The following AAK1 variants were observed in gnomAD, a reference collection of about 807,000 sequenced individuals.
The protein encoded by AAK1 is AP2 associated kinase 1.
A neutral mutation model predicts 116.0 loss-of-function variants in AAK1; 37 were observed. That is an observed-to-expected ratio of 0.32 (90% CI 0.25 to 0.42). The LOEUF is 0.42. Among genes scored for constraint, AAK1 ranks in the 10% least tolerant of loss-of-function variants. AAK1 has a pLI of 1.00. For missense variants in AAK1, 919 were observed against 1,170.6 expected (o/e 0.79, Z 3.14); for synonymous variants, 458 against 439.9 (o/e 1.04, Z -0.51).
rs1674385242 is a variant in AAK1 at position 69,463,182 on chromosome 2, A to G, written c.*12687T>C. ...TAGATGAATTTCCAATAATTTTTAA[A>G]TCATTGATCTGGCTTGGTAAATAGC... On this transcript the variant is annotated 3_prime_UTR_variant, in exon 22 of 22. Transcript: ENST00000409085. 6.6e-6 allele frequency: 1 copy of G among 152,260 alleles called. No homozygotes were observed. Among genetic ancestry groups the G allele is most frequent in the Non-Finnish European group, 1.5e-5 (1 of 68,042 alleles). The allele number at this position is 152,260 out of a possible 1,614,324, so 9.4% of individuals were successfully genotyped here. A position where few individuals can be genotyped will look rare whatever the true frequency, so the allele number is the denominator to read the frequency against.
chr2:69,561,275 AT>A (rs2105095278), intron 2 of AAK1, among the ~76,000 whole-genome samples: 1 of 152,338 alleles, frequency 6.6e-6, no homozygotes, highest in East Asian at 1.9e-4. Flanking sequence ...TTAAAAGATG[AT>A]TTGCAAATGA....
chr2:69,466,497 T>C lies in AAK1; in HGVS notation c.*9372A>G, dbSNP rs1367900783. 4 of 1,253,170 alleles carry C rather than the reference T, an allele frequency of 3.2e-6. No homozygotes were observed. The highest frequency in any genetic ancestry group is 4.1e-6 in the Non-Finnish European group (4 of 968,926). 77.6% of individuals were successfully genotyped at this position (1,253,170 alleles called of 1,614,324 possible). Reference sequence around the variant, plus strand: ...CGGAAGGCCTTTAACACCCAGTGATTCTTTAAAGTGCTCTACAGTTATTAC... The same window carrying C: ...CGGAAGGCCTTTAACACCCAGTGATCCTTTAAAGTGCTCTACAGTTATTAC... On this transcript the variant is annotated 3_prime_UTR_variant, in exon 22 of 22. Transcript: ENST00000409085.
rs1047981022 is a variant in AAK1 at position 69,575,538 on chromosome 2, C to T, written c.164-18560G>A. On this transcript the variant is annotated intron_variant, in intron 2 of 21. Transcript: ENST00000409085. ...AGGCTGGAGTGCAATGGCGCAATCT[C>T]GGCTCACTGCAACCTCCGCCCACTG... 6.1e-5 allele frequency among the ~76,000 whole-genome samples: 9 copies of T among 147,498 alleles called. 1 individual carries two copies. The highest frequency in any genetic ancestry group is 2.7e-4 in the Admixed American group (4 of 14,610).
chr2:69,497,080 G>A (rs58871512), intron 16 of AAK1, among the ~76,000 whole-genome samples: 4,521 of 152,088 alleles, frequency 0.03, 216 homozygotes, highest in African/African-American at 0.1. Flanking sequence ...AAGCCTAAAC[G>A]TTAAAGACTA....
At chr2:69,599,392 A>AC (rs1673455907) in intron 2 of AAK1, among the ~76,000 whole-genome samples, 1 of 140,862 alleles carries the variant, frequency 7.1e-6, no homozygotes, top group African/African-American at 2.4e-5. Context: ...AAAAAAAAAA[A>AC]AAAAAACTTC....
At chr2:69,620,220 G>A (rs1396630545) in intron 2 of AAK1, among the ~76,000 whole-genome samples, 1 of 152,184 alleles carries the variant, frequency 6.6e-6, no homozygotes, top group Non-Finnish European at 1.5e-5. Context: ...TAAACTGAAT[G>A]ACAAGAGGTT....
intron 3 of AAK1, among the ~76,000 whole-genome samples, chr2:69,551,238 G>A (rs1358374127): frequency 6.6e-6 from 1 of 152,116 alleles, no homozygotes; most frequent in Non-Finnish European, 1.5e-5. Flanking sequence ...ACTGGGGCCG[G>A]TGGGGGTGGT....
chr2:69,609,788 G>A lies in AAK1; in HGVS notation c.163+33090C>T, dbSNP rs574804392. Among the ~76,000 whole-genome samples the A allele has an allele frequency of 5.3e-5, 8 of 152,126 alleles. No individual in the cohort carries two copies. The South Asian group carries it at 8.3e-4, about 16-fold the overall frequency. On this transcript the variant is annotated intron_variant, in intron 2 of 21. Coordinates refer to ENST00000409085, the MANE Select transcript of AAK1 (RefSeq NM_014911.5). ...AATTGGGCCAGGTGCGGTGGCTCAC[G>A]CCTGTAATCCCAGCACTTTAGGAGG... is the stretch of plus-strand genomic sequence containing the variant.
At chr2:69,607,829 G>T (rs915212026) in intron 2 of AAK1, among the ~76,000 whole-genome samples, 1 of 152,216 alleles carries the variant, frequency 6.6e-6, no homozygotes. Context: ...ACAGACATAT[G>T]TGCTACAGCA....
At chr2:69,633,460 G>C (rs1675300051) in intron 2 of AAK1, among the ~76,000 whole-genome samples, 1 of 151,720 alleles carries the variant, frequency 6.6e-6, no homozygotes, top group Non-Finnish European at 1.5e-5. Flanking sequence ...AATTAGCTGG[G>C]CATGGTGGTA....
At chr2:69,523,516 T>G (rs1226205792) in intron 10 of AAK1, among the ~76,000 whole-genome samples, 2 of 152,212 alleles carry the variant, frequency 1.3e-5, no homozygotes, top group Non-Finnish European at 2.9e-5. Flanking sequence ...CATATTCCCA[T>G]CCAGGGTACT....
At chr2:69,640,014 A>AACAC (rs376034914) in intron 2 of AAK1, among the ~76,000 whole-genome samples, 3,657 of 103,642 alleles carry the variant, frequency 0.035, 122 homozygotes, top group African/African-American at 0.075. Flanking sequence ...ACTCCCCTTT[A>AACAC]ACACACACAC....
chr2:69,564,204 A>G (rs905852916), intron 2 of AAK1, among the ~76,000 whole-genome samples: 2 of 152,060 alleles, frequency 1.3e-5, no homozygotes, highest in Non-Finnish European at 2.9e-5. Context: ...AAAAAAAAGA[A>G]AAAAGAAAAA....
At chr2:69,626,526 G>T (rs1357011821) in intron 2 of AAK1, among the ~76,000 whole-genome samples, 2 of 150,780 alleles carry the variant, frequency 1.3e-5, no homozygotes, top group African/African-American at 4.9e-5. Flanking sequence ...TTGAGACAGG[G>T]TCTCACTCTG....
intron 14 of AAK1, 129 bp from the exon 15 acceptor site, chr2:69,507,707 ATTT>A (rs5831976): frequency 7.9e-3 from 5,178 of 657,174 alleles, no homozygotes; most frequent in South Asian, 0.013. Flanking sequence ...CCACCACAGT[ATTT>A]TTTTTTTTTT....
intron 8 of AAK1, among the ~76,000 whole-genome samples, chr2:69,528,558 T>A (rs898362969): frequency 2.0e-5 from 3 of 152,202 alleles, no homozygotes; most frequent in Admixed American, 1.3e-4. Flanking sequence ...TCTTGCTAGC[T>A]GGATCCAAAG....
rs112649999 is a variant in AAK1, at chr2:69,552,152, A to T, written c.282+4708T>A. 7.4e-3 allele frequency among the ~76,000 whole-genome samples: 1,128 copies of T among 151,410 alleles called. 4 individuals are homozygous for T. Among genetic ancestry groups the T allele is most frequent in the African/African-American group, 0.021 (848 of 41,336 alleles). ...TTCAGATTTAAAACAGTAAGAAATT[A>T]AAAAAAAAGTGGGAAAATTCAGTCC... On this transcript the variant is annotated intron_variant, in intron 3 of 21. Coordinates refer to ENST00000409085, the MANE Select transcript of AAK1 (RefSeq NM_014911.5).
chr2:69,614,233 A>T (rs1674215989), intron 2 of AAK1, among the ~76,000 whole-genome samples: 1 of 152,204 alleles, frequency 6.6e-6, no homozygotes, highest in Admixed American at 6.5e-5. Context: ...AGAGAGAAAT[A>T]CCAAAGAAAC....
chr2:69,598,147 T>G, intron 2 of AAK1: 1 of 1,131,028 alleles, frequency 8.8e-7, no homozygotes, highest in Non-Finnish European at 1.2e-6. Flanking sequence ...GGTGGGTAAC[T>G]GAGTTTTGCC....
Sources: gnomAD v4.1 joint callset for allele counts (sites outside exome capture counted in the v4.1 genomes callset) on GRCh38, gnomAD v4.1.1 for gene constraint, MANE v1.5 for transcripts, NCBI Gene and HGNC (gene_info 2026-07-23, HGNC 2026-07-21) for gene names.